Variants in EXOC4 observed in about 807,000 individuals in gnomAD.
EXOC4 encodes the protein exocyst complex component 4.
A neutral mutation model predicts 107.2 loss-of-function variants in EXOC4; 71 were observed. The ratio of observed to expected loss-of-function variants is 0.66; its 90% confidence interval spans 0.55 to 0.81. EXOC4 has a LOEUF of 0.81. Ranked by LOEUF, EXOC4 falls within the 30% of genes least tolerant of loss-of-function variation. The pLI, the probability that EXOC4 is intolerant of heterozygous loss-of-function variation, is 0.00. For synonymous variants in EXOC4, 456 were observed against 441.2 expected (o/e 1.03, Z -0.42); for missense variants, 1,108 against 1,189.6 (o/e 0.93, Z 1.01).
the EXOC4 span, among the ~76,000 whole-genome samples, chr7:134,085,599 C>T: frequency 5.3e-5 from 8 of 152,198 alleles, no homozygotes; most frequent in Non-Finnish European, 8.8e-5. Flanking sequence ...CCCCCAAAAG[C>T]ACATCTCCTT....
chr7:133,767,312 A>C (rs1796159228), intron 10 of EXOC4, among the ~76,000 whole-genome samples: 1 of 151,936 alleles, frequency 6.6e-6, no homozygotes, highest in Admixed American at 6.6e-5. Flanking sequence ...TGAGCCTCAG[A>C]GTCCTTATTT....
chr7:134,082,181 AT>A, the EXOC4 span, among the ~76,000 whole-genome samples: 117,772 of 151,414 alleles, frequency 0.78, 46,678 homozygotes, highest in African/African-American at 0.93. Context: ...CTGGTTGCCC[AT>A]TTTTTTTTTG....
intron 9 of EXOC4, among the ~76,000 whole-genome samples, chr7:133,521,345 A>T (rs918184859): frequency 1.3e-5 from 2 of 152,144 alleles, no homozygotes; most frequent in African/African-American, 4.8e-5. Context: ...TTCTTCCATG[A>T]TTTTCTCACT....
At chr7:134,024,373 C>T (rs1489189303) in intron 17 of EXOC4, among the ~76,000 whole-genome samples, 1 of 151,848 alleles carries the variant, frequency 6.6e-6, no homozygotes, top group African/African-American at 2.4e-5. Context: ...ATGGTGTGAA[C>T]CCGGGAGGTG....
chr7:133,834,338 C>T (rs1240702150), intron 11 of EXOC4, among the ~76,000 whole-genome samples: 3 of 152,188 alleles, frequency 2.0e-5, no homozygotes, highest in Non-Finnish European at 4.4e-5. Context: ...CACCCCTTCC[C>T]CTTCCTCTCC....
rs138731481 is a variant in EXOC4 at position 133,801,730 on chromosome 7, C to A, written c.1515-15595C>A. ...AGGCAAAAGATGCTCAGCCTACTAT[C>A]GTGGTTAAGTCTTAGAAAAATCTCA... On this transcript the variant is annotated intron_variant, in intron 10 of 17. Transcript: ENST00000253861. Among the ~76,000 whole-genome samples, 312 of 152,328 alleles carry A rather than the reference C, an allele frequency of 2.0e-3. 2 individuals carry two copies. The highest frequency in any genetic ancestry group is 7.1e-3 in the African/African-American group (293 of 41,558).
chr7:133,742,378 A>G (rs913118111), intron 10 of EXOC4, among the ~76,000 whole-genome samples: 2 of 152,222 alleles, frequency 1.3e-5, no homozygotes, highest in Non-Finnish European at 2.9e-5. Context: ...ACAATGCAAC[A>G]TGATACCCTG....
At chr7:133,330,369 G>T (rs1380841173) in intron 5 of EXOC4, among the ~76,000 whole-genome samples, 1 of 151,978 alleles carries the variant, frequency 6.6e-6, no homozygotes, top group Non-Finnish European at 1.5e-5. Flanking sequence ...TGCTCCGTGG[G>T]GGTGGGACCC....
intron 9 of EXOC4, among the ~76,000 whole-genome samples, chr7:133,488,145 TA>T: frequency 6.6e-6 from 1 of 152,202 alleles, no homozygotes; most frequent in African/African-American, 2.4e-5. Flanking sequence ...ATACTAATAG[TA>T]TCAATAGAAA....
At chr7:133,876,493 C>T (rs761858905) in intron 11 of EXOC4, among the ~76,000 whole-genome samples, 3 of 151,826 alleles carry the variant, frequency 2.0e-5, no homozygotes, top group Non-Finnish European at 4.4e-5. Context: ...GCTTACTCAT[C>T]GTCTTCTTCT....
At chr7:134,067,315 G>A (rs7810708), downstream of EXOC4, among the ~76,000 whole-genome samples, 117,904 of 151,890 alleles carry the variant, frequency 0.78, 46,711 homozygotes, top group African/African-American at 0.93. Flanking sequence ...GTAGGCCCAC[G>A]GGAGTAGGAG....
chr7:133,497,415 A>C (rs756991834), intron 9 of EXOC4, among the ~76,000 whole-genome samples: 54 of 146,872 alleles, frequency 3.7e-4, no homozygotes, highest in Non-Finnish European at 6.6e-4. Flanking sequence ...ATTTATTCCA[A>C]CTCTCTGTCA....
rs564481516 is a variant in EXOC4, at chr7:133,495,009, C to T, written c.1417+14871C>T. On this transcript the variant is annotated intron_variant, in intron 9 of 17. Transcript: ENST00000253861. ...AAATTGGGCGTGGCATGGTGGCTCA[C>T]GCCTGTAATCCCAGCACAGTGGGAG... 1.1e-3 allele frequency among the ~76,000 whole-genome samples: 170 copies of T among 152,194 alleles called. 1 individual carries two copies. Among genetic ancestry groups the T allele is most frequent in the African/African-American group, 3.8e-3 (156 of 41,530 alleles).
At chr7:133,344,557 A>G (rs1374536206) in intron 5 of EXOC4, among the ~76,000 whole-genome samples, 1 of 152,108 alleles carries the variant, frequency 6.6e-6, no homozygotes, top group African/African-American at 2.4e-5. Flanking sequence ...TAGGATTCCA[A>G]ATTTTCCCTT....
chr7:133,591,132 C>G (rs915129451), intron 9 of EXOC4, among the ~76,000 whole-genome samples: 1 of 152,190 alleles, frequency 6.6e-6, no homozygotes, highest in Non-Finnish European at 1.5e-5. Context: ...AGGGAACTAT[C>G]CTATTTCAAT....
chr7:133,910,766 C>T (rs906536773), intron 12 of EXOC4, among the ~76,000 whole-genome samples: 4 of 152,162 alleles, frequency 2.6e-5, no homozygotes, highest in African/African-American at 7.2e-5. Context: ...CCAGTCTTGT[C>T]CAAGGTTCAT....
At chr7:133,973,451 G>C (rs1483141615) in intron 14 of EXOC4, among the ~76,000 whole-genome samples, 1 of 152,098 alleles carries the variant, frequency 6.6e-6, no homozygotes, top group Admixed American at 6.6e-5. Context: ...GAAAGAAAAG[G>C]CTATGAAGTG....
intron 7 of EXOC4, among the ~76,000 whole-genome samples, chr7:133,398,396 A>G (rs1797018328): frequency 1.3e-5 from 2 of 152,212 alleles, no homozygotes; most frequent in African/African-American, 4.8e-5. Flanking sequence ...CTATTATGAA[A>G]TAGGGCTGTA....
intron 10 of EXOC4, among the ~76,000 whole-genome samples, chr7:133,655,547 T>C (rs1803270574): frequency 6.6e-6 from 1 of 152,216 alleles, no homozygotes; most frequent in South Asian, 2.1e-4. Flanking sequence ...TTTTCTGTTT[T>C]GGAAATTTTT....
Sources: gnomAD v4.1 joint callset for allele counts (sites outside exome capture counted in the v4.1 genomes callset) on GRCh38, gnomAD v4.1.1 for gene constraint, MANE v1.5 for transcripts, NCBI Gene and HGNC (gene_info 2026-07-23, HGNC 2026-07-21) for gene names.